The following GNRH2 variants were observed in gnomAD, a reference collection of about 807,000 sequenced individuals.
The protein encoded by GNRH2 is gonadotropin releasing hormone 2, also known as progonadoliberin-2.
A neutral mutation model predicts 12.1 loss-of-function variants in GNRH2; 15 were observed. The observed-to-expected ratio is 1.24, with a 90% CI of 0.83 to 1.90. GNRH2 has a LOEUF of 1.90. Among genes scored for constraint, GNRH2 ranks in the 40% most tolerant of loss-of-function variants. The probability of loss-of-function intolerance (pLI) is 0.00; values close to 1 mark genes in which losing one functional copy is unlikely to be tolerated. For synonymous variants in GNRH2, 60 were observed against 62.0 expected (o/e 0.97, Z 0.15); for missense variants, 143 against 141.4 (o/e 1.01, Z -0.06).
Position 3,044,921 on chromosome 20 carries a change from G to A in GNRH2, c.291+85G>A. 2.6e-6 allele frequency: 3 copies of A among 1,152,310 alleles called. 1 individual carries two copies. Among genetic ancestry groups the A allele is most frequent in the Non-Finnish European group, 3.7e-6 (3 of 805,168 alleles). 71.4% of individuals were successfully genotyped at this position (1,152,310 alleles called of 1,614,324 possible). On this transcript the variant is annotated intron_variant, in intron 3 of 3. Transcript: ENST00000359100. The stretch of plus-strand genomic sequence containing the variant: ...TGGCTTAGGGTTGGGTGCTGGGAGG[G>A]TGGGGAGAATGAAACACCACTGAGA...
intron 3 of GNRH2, 69 bp downstream of exon 3, chr20:3,044,905 G>T: frequency 7.5e-7 from 1 of 1,338,038 alleles, no homozygotes; most frequent in Non-Finnish European, 1.0e-6. Context: ...GTGGCTTAGG[G>T]TTGGGTGCTG....
chr20:3,044,268 G>A, intron 1 of GNRH2, 140 bp from the exon 2 acceptor site: 1 of 655,652 alleles, frequency 1.5e-6, no homozygotes, highest in East Asian at 2.6e-5. Flanking sequence ...CTTGGGATGA[G>A]GAGCGGTGGC....
Sources: allele counts gnomAD v4.1 joint callset, GRCh38; gene constraint gnomAD v4.1.1; transcripts MANE v1.5; gene names NCBI Gene and HGNC (gene_info 2026-07-23, HGNC 2026-07-21).